Variants in CSN3 observed in about 807,000 individuals in gnomAD.
CSN3 encodes kappa-casein.
In CSN3, 7 loss-of-function variants were observed where a neutral mutation model predicts 9.9. The ratio of observed to expected loss-of-function variants is 0.71; its 90% CI spans 0.40 to 1.33. The LOEUF (loss-of-function observed/expected upper bound fraction) is 1.33, where lower values mean the gene tolerates loss of function less well. CSN3 is among the 40% of genes most tolerant of loss of function. The pLI is 0.01. For missense variants in CSN3, 253 were observed against 227.9 expected (o/e 1.11, Z -0.71); for synonymous variants, 88 against 82.3 (o/e 1.07, Z -0.37).
At chr4:70,244,942 C>A in intron 2 of CSN3, 69 bp downstream of exon 2, 2 of 830,338 alleles carry the variant, frequency 2.4e-6, no homozygotes, top group Non-Finnish European at 1.8e-6. Flanking sequence ...TTTAACTATG[C>A]AAACTTCTAA....
At chr4:70,245,953 T>C (rs1487453019) in intron 2 of CSN3, among the ~76,000 whole-genome samples, 1 of 152,154 alleles carries the variant, frequency 6.6e-6, no homozygotes, top group African/African-American at 2.4e-5. Context: ...TGAAATGATC[T>C]ACAAATCCCT....
chr4:70,238,625 G>A (rs981598309), upstream of CSN3, among the ~76,000 whole-genome samples: 8 of 151,818 alleles, frequency 5.3e-5, no homozygotes, highest in East Asian at 5.8e-4. Context: ...AGTATAGGGC[G>A]ATAAGAGTGA....
chr4:70,244,932 T>C (rs921791817), intron 2 of CSN3, 59 bp downstream of exon 2: 12 of 972,266 alleles, frequency 1.2e-5, no homozygotes, highest in African/African-American at 1.7e-5. Flanking sequence ...GTTTAAGGGC[T>C]TTAACTATGC....
At chr4:70,241,911 G>A (rs1730278349), upstream of CSN3, among the ~76,000 whole-genome samples, 1 of 151,868 alleles carries the variant, frequency 6.6e-6, no homozygotes, top group East Asian at 1.9e-4. Flanking sequence ...TTCATATATG[G>A]GTTTGACTTT....
chr4:70,249,204 C>G lies in CSN3; in HGVS notation c.294C>G (p.Tyr98Ter). The G allele has an allele frequency of 6.2e-7, 1 of 1,614,068 alleles. No homozygotes were observed. Among genetic ancestry groups the G allele is most frequent in the South Asian group, 1.1e-5 (1 of 91,082 alleles). The change falls in exon 4 of 5, where the codon TAC becomes TAG. Residue 98 changes from tyrosine to a stop codon, truncating the protein, a stop_gained. Coordinates refer to ENST00000304954, the Ensembl canonical transcript of CSN3. LOFTEE classifies it low-confidence loss of function (END_TRUNC). ...ATGCCCAAATTCCTCAGCGGCAATA[C>G]CTGCCAAATAGCCACCCACCCACTG...
upstream of CSN3, among the ~76,000 whole-genome samples, chr4:70,241,743 T>C (rs1214413805): frequency 6.6e-6 from 1 of 151,904 alleles, no homozygotes; most frequent in African/African-American, 2.4e-5. Context: ...TAATTTTTTT[T>C]TCAAAATGGT....
exon 4 of CSN3, chr4:70,249,258 A>G (rs770814279): frequency 3.1e-6 from 5 of 1,614,054 alleles, no homozygotes; most frequent in Admixed American, 3.3e-5. Context: ...TGCATCCATC[A>G]TTTATTGCCA....
At chr4:70,247,848 G>A (rs1465530515) in exon 3 of CSN3, 2 of 1,594,612 alleles carry the variant, frequency 1.3e-6, no homozygotes, top group African/African-American at 1.4e-5. Flanking sequence ...GAAACAACCA[G>A]CAGTAAGTCT....
rs745775209 is a variant in CSN3, at chr4:70,247,857, C to A, written c.87+7C>A. On this transcript the variant is annotated splice_region_variant and intron_variant, in intron 3 of 4. Coordinates refer to ENST00000304954, the Ensembl canonical transcript of CSN3. ...AAACCAGAAACAACCAGCAGTAAGT[C>A]TATTTTAATTACTTCTGTTACAGGC... The A allele has an allele frequency of 6.3e-7, 1 of 1,593,162 alleles. No homozygotes were observed.
chr4:70,250,746 C>T lies in CSN3; in HGVS notation c.*35-516C>T, dbSNP rs564182525. Among the ~76,000 whole-genome samples, 37 of 152,176 alleles carry T rather than the reference C, an allele frequency of 2.4e-4. No homozygotes were observed. The East Asian group carries it at 4.6e-3, about 19-fold the overall frequency. ...CTAGAAATTGCAAATGGGAGGCAAA[C>T]CAAACCTGTTTAATTTCAGATAGTG... On this transcript the variant is annotated intron_variant, in intron 4 of 4. Transcript: ENST00000304954.
At chr4:70,241,549 A>G (rs1359738238), upstream of CSN3, among the ~76,000 whole-genome samples, 4 of 152,070 alleles carry the variant, frequency 2.6e-5, no homozygotes, top group African/African-American at 9.7e-5. Flanking sequence ...AATAAGTCAC[A>G]GTTAACATTA....
rs1027172075 is a variant in CSN3, at chr4:70,247,515, C to T, written c.55-303C>T. ...CTAAATAGAAATTATTCATATTTTT[C>T]ATTTAAGCATATTTGTTGGCATGGG... is the stretch of plus-strand genomic sequence containing the variant. On this transcript the variant is annotated intron_variant, in intron 2 of 4. Coordinates refer to ENST00000304954, the Ensembl canonical transcript of CSN3. Among the ~76,000 whole-genome samples the T allele has an allele frequency of 3.9e-5, 6 of 152,064 alleles. No individual in the cohort carries two copies. The East Asian group carries it at 1.2e-3, about 29-fold the overall frequency.
At chr4:70,248,946 C>T in intron 3 of CSN3, 52 bp from the exon 4 acceptor site, 1 of 1,329,692 alleles carries the variant, frequency 7.5e-7, no homozygotes, top group Non-Finnish European at 1.0e-6. Flanking sequence ...TAAGGTATTT[C>T]CACATTTGGG....
At chr4:70,245,381 T>C (rs1211724616) in intron 2 of CSN3, among the ~76,000 whole-genome samples, 1 of 152,160 alleles carries the variant, frequency 6.6e-6, no homozygotes, top group African/African-American at 2.4e-5. Flanking sequence ...ATTTGAATCA[T>C]TAACTTTTGT....
At chr4:70,251,223 A>G (rs940940788) in intron 4 of CSN3, 39 bp from the exon 5 acceptor site, 1 of 152,210 alleles carries the variant, frequency 6.6e-6, no homozygotes, top group Non-Finnish European at 1.5e-5. Context: ...CTGTTAACAT[A>G]CTATGAATAA....
intron 1 of CSN3, chr4:70,243,204 T>C (rs924620866): frequency 6.2e-6 from 6 of 966,608 alleles, no homozygotes; most frequent in Non-Finnish European, 6.2e-6. Flanking sequence ...TATGGTCTTA[T>C]CTCTGTGATT....
upstream of CSN3, among the ~76,000 whole-genome samples, chr4:70,241,407 C>T (rs557354042): frequency 2.0e-5 from 3 of 152,120 alleles, no homozygotes; most frequent in South Asian, 6.2e-4. Context: ...CTTTCTAAGA[C>T]ATGCAATACT....
chr4:70,245,483 T>TA (rs1287834802), intron 2 of CSN3, among the ~76,000 whole-genome samples: 1 of 152,206 alleles, frequency 6.6e-6, no homozygotes, highest in African/African-American at 2.4e-5. Flanking sequence ...TATCTTGAAT[T>TA]ATATGCAATG....
chr4:70,245,333 T>C (rs2109695586), intron 2 of CSN3, among the ~76,000 whole-genome samples: 1 of 152,252 alleles, frequency 6.6e-6, no homozygotes, highest in East Asian at 1.9e-4. Flanking sequence ...TTAAGCTTTT[T>C]CACAAGTTTC....
Sources: allele counts gnomAD v4.1 joint callset (sites outside exome capture counted in the v4.1 genomes callset), GRCh38; gene constraint gnomAD v4.1.1; transcripts MANE v1.5; gene names NCBI Gene and HGNC (gene_info 2026-07-23, HGNC 2026-07-21).